The following TMPRSS15 variants were observed in gnomAD, a reference collection of about 807,000 sequenced individuals.
TMPRSS15 encodes the protein enteropeptidase.
Under a neutral mutation model 125.3 loss-of-function variants are expected in TMPRSS15, and 128 were observed. The observed-to-expected ratio is 1.02, with a 90% CI of 0.89 to 1.18. TMPRSS15 has a LOEUF of 1.18. Ranked by LOEUF, TMPRSS15 falls within the 50% of genes most tolerant of loss-of-function variation. TMPRSS15 has a pLI of 0.00. For synonymous variants in TMPRSS15, 446 were observed against 423.2 expected, an observed-to-expected ratio of 1.05 and a Z score of -0.66; for missense variants, 1,283 against 1,212.7, an observed-to-expected ratio of 1.06 and a Z score of -0.86.
chr21:18,320,982 C>G (rs2824738), intron 16 of TMPRSS15, among the ~76,000 whole-genome samples: 4 of 151,884 alleles, frequency 2.6e-5, no homozygotes, highest in Non-Finnish European at 1.5e-5. Context: ...TAGTAACATA[C>G]GCTTGGTTTA....
At chr21:18,452,796 T>G (rs1248680435) in intron 1 of TMPRSS15, among the ~76,000 whole-genome samples, 1 of 152,128 alleles carries the variant, frequency 6.6e-6, no homozygotes, top group African/African-American at 2.4e-5. Context: ...GAGTTACAAT[T>G]AATATAGAAA....
At chr21:18,281,857 G>C (rs564317852) in intron 21 of TMPRSS15, among the ~76,000 whole-genome samples, 7 of 152,136 alleles carry the variant, frequency 4.6e-5, no homozygotes, top group African/African-American at 1.7e-4. Context: ...CAGCACTTTG[G>C]GAGGCCGAGG....
chr21:18,309,682 T>C (rs542320559), intron 18 of TMPRSS15, among the ~76,000 whole-genome samples: 6 of 152,106 alleles, frequency 3.9e-5, no homozygotes, highest in Non-Finnish European at 8.8e-5. Flanking sequence ...GAAAAAAAGT[T>C]CATCATCACT....
chr21:18,353,877 T>C lies in TMPRSS15; in HGVS notation c.881-14A>G, dbSNP rs1452765887. On this transcript the variant is annotated splice_polypyrimidine_tract_variant and intron_variant, in intron 8 of 24. Coordinates refer to ENST00000284885, the MANE Select transcript of TMPRSS15 (RefSeq NM_002772.3). ...CCCAAATAGAAGCTACAAAATAAAA[T>C]AAACAACTGTTATATGTATATATCT... 1 of 1,605,808 alleles carries C rather than the reference T, an allele frequency of 6.2e-7. No individual in the cohort carries two copies. The highest frequency in any genetic ancestry group is 1.1e-5 in the South Asian group (1 of 90,922).
intron 1 of TMPRSS15, among the ~76,000 whole-genome samples, chr21:18,459,769 A>T (rs1376327422): frequency 6.6e-6 from 1 of 152,202 alleles, no homozygotes; most frequent in Non-Finnish European, 1.5e-5. Context: ...ATATCAATAA[A>T]TCTAAGAAGA....
intron 1 of TMPRSS15, among the ~76,000 whole-genome samples, chr21:18,480,697 C>A (rs1456979776): frequency 6.6e-6 from 1 of 151,654 alleles, no homozygotes; most frequent in Admixed American, 6.6e-5. Flanking sequence ...TACCTTAAAT[C>A]TAAGCAATGG....
intron 1 of TMPRSS15, among the ~76,000 whole-genome samples, chr21:18,463,825 T>C (rs1978600473): frequency 6.6e-6 from 1 of 152,062 alleles, no homozygotes; most frequent in Non-Finnish European, 1.5e-5. Flanking sequence ...ACATGAAAAC[T>C]GAACAACCTG....
At chr21:18,425,129 A>G (rs12627382) in intron 1 of TMPRSS15, among the ~76,000 whole-genome samples, 47,063 of 151,726 alleles carry the variant, frequency 0.31, 8,982 homozygotes, top group East Asian at 0.79. Flanking sequence ...TGAAAATTTA[A>G]AAGAATATAT....
At chr21:18,339,636 A>G (rs2075427641) in intron 13 of TMPRSS15, among the ~76,000 whole-genome samples, 1 of 152,186 alleles carries the variant, frequency 6.6e-6, no homozygotes, top group South Asian at 2.1e-4. Flanking sequence ...ACCCAAGCAA[A>G]GCCGTAGAGC....
At chr21:18,321,820 G>A (rs182061590) in intron 16 of TMPRSS15, among the ~76,000 whole-genome samples, 36 of 152,090 alleles carry the variant, frequency 2.4e-4, no homozygotes, top group African/African-American at 7.7e-4. Context: ...AAATCTCGAC[G>A]GAAGCAGACG....
intron 18 of TMPRSS15, among the ~76,000 whole-genome samples, chr21:18,302,518 A>G (rs997871767): frequency 1.3e-5 from 2 of 152,236 alleles, no homozygotes; most frequent in Admixed American, 6.5e-5. Flanking sequence ...GATAGCTCTT[A>G]GCAAACAGGT....
chr21:18,327,555 G>A (rs2075304178), intron 15 of TMPRSS15, among the ~76,000 whole-genome samples: 1 of 152,082 alleles, frequency 6.6e-6, no homozygotes, highest in Non-Finnish European at 1.5e-5. Flanking sequence ...TGATGAAAAG[G>A]TTGGGGAACC....
At chr21:18,335,700 TAAAGAATTGGTAA>T (rs2075384921) in intron 13 of TMPRSS15, among the ~76,000 whole-genome samples, 1 of 152,226 alleles carries the variant, frequency 6.6e-6, no homozygotes, top group African/African-American at 2.4e-5. Flanking sequence ...TAAATGACTG[TAAAGAATTGGTAA>T]AAACACTTTA....
chr21:18,455,452 A>G (rs558299057), intron 1 of TMPRSS15, among the ~76,000 whole-genome samples: 1 of 152,324 alleles, frequency 6.6e-6, no homozygotes, highest in African/African-American at 2.4e-5. Context: ...GTTACATGAA[A>G]AACATATCTG....
intron 13 of TMPRSS15, among the ~76,000 whole-genome samples, chr21:18,336,063 G>A (rs1334720955): frequency 1.3e-5 from 2 of 151,798 alleles, no homozygotes; most frequent in Non-Finnish European, 2.9e-5. Flanking sequence ...TGGCAAAGTG[G>A]TTGCCAAGGA....
At chr21:18,460,044 T>C (rs1978523370) in intron 1 of TMPRSS15, among the ~76,000 whole-genome samples, 1 of 152,190 alleles carries the variant, frequency 6.6e-6, no homozygotes. Flanking sequence ...ATATTACTCA[T>C]TATGTAGGTA....
chr21:18,271,995 G>T (rs1184213450), intron 24 of TMPRSS15, among the ~76,000 whole-genome samples: 1 of 152,096 alleles, frequency 6.6e-6, no homozygotes, highest in Non-Finnish European at 1.5e-5. Flanking sequence ...TGGGCATTTG[G>T]GTTGGTTCCA....
At chr21:18,344,110 T>C (rs2075480639) in intron 10 of TMPRSS15, 50 bp from the exon 11 acceptor site, 1 of 1,459,678 alleles carries the variant, frequency 6.9e-7, no homozygotes, top group Admixed American at 1.7e-5. Flanking sequence ...TGCATTTTCA[T>C]TGTGTGACAA....
intron 12 of TMPRSS15, among the ~76,000 whole-genome samples, chr21:18,342,499 C>T (rs1243392454): frequency 2.0e-5 from 3 of 152,306 alleles, no homozygotes; most frequent in East Asian, 3.9e-4. Context: ...TTGACTCTCT[C>T]GCACCACCTC....
Sources: gnomAD v4.1 joint callset for allele counts (sites outside exome capture counted in the v4.1 genomes callset) on GRCh38, gnomAD v4.1.1 for gene constraint, MANE v1.5 for transcripts, NCBI Gene and HGNC (gene_info 2026-07-23, HGNC 2026-07-21) for gene names.